Variants in SLC27A6 observed in about 807,000 individuals in gnomAD.
SLC27A6 encodes long-chain fatty acid transport protein 6.
In SLC27A6, 74 loss-of-function variants were observed where a neutral mutation model predicts 63.9. The observed-to-expected ratio is 1.16, with a 90% CI of 0.96 to 1.40. SLC27A6 has a LOEUF of 1.40. SLC27A6 is among the 40% of genes most tolerant of loss of function. The probability of loss-of-function intolerance (pLI) is 0.00; values close to 1 mark genes in which losing one functional copy is unlikely to be tolerated. For missense variants in SLC27A6, 794 were observed against 732.9 expected (o/e 1.08, Z -0.96); for synonymous variants, 287 against 260.8 (o/e 1.10, Z -0.97).
intron 1 of SLC27A6, among the ~76,000 whole-genome samples, chr5:128,982,439 A>G (rs942018926): frequency 4.6e-5 from 7 of 152,192 alleles, no homozygotes; most frequent in African/African-American, 1.7e-4. Flanking sequence ...TAGAATTCCA[A>G]CAAAGATTTG....
chr5:129,032,566 T>C lies in SLC27A6; in HGVS notation c.1684-540T>C, dbSNP rs535989891. On this transcript the variant is annotated intron_variant, in intron 9 of 9. Coordinates refer to ENST00000262462, the MANE Select transcript of SLC27A6 (RefSeq NM_001017372.3). ...ACTAACAGATGTCACTGAGTTTCTCTTGAAAACAAGATATCCTGTGAGGAC... is the reference window on the plus strand; with the variant it reads ...ACTAACAGATGTCACTGAGTTTCTCCTGAAAACAAGATATCCTGTGAGGAC... Among the ~76,000 whole-genome samples the C allele has an allele frequency of 4.6e-5, 7 of 152,216 alleles. 1 individual carries two copies. The highest frequency in any genetic ancestry group is 1.7e-4 in the African/African-American group (7 of 41,566).
At chr5:128,985,045 T>A in intron 1 of SLC27A6, 88 bp from the exon 2 acceptor site, 1 of 810,154 alleles carries the variant, frequency 1.2e-6, no homozygotes, top group Non-Finnish European at 2.0e-6. Flanking sequence ...TTACATTTTA[T>A]CCCTGTTTCA....
At chr5:128,970,028 G>T (rs900281960) in intron 1 of SLC27A6, among the ~76,000 whole-genome samples, 1 of 151,892 alleles carries the variant, frequency 6.6e-6, no homozygotes, top group Non-Finnish European at 1.5e-5. Flanking sequence ...TAATCATGTG[G>T]TTTTTGTCTT....
At chr5:129,028,569 T>A (rs1752320168) in intron 8 of SLC27A6, 127 bp downstream of exon 8, 1 of 585,512 alleles carries the variant, frequency 1.7e-6, no homozygotes, top group Non-Finnish European at 2.9e-6. Context: ...TTTATTATTG[T>A]CTTGGCAAGT....
chr5:128,988,899 A>G, intron 3 of SLC27A6, 141 bp downstream of exon 3: 1 of 609,980 alleles, frequency 1.6e-6, no homozygotes, highest in East Asian at 3.1e-5. Flanking sequence ...ATTTATTTTA[A>G]AAAAACTACA....
chr5:128,988,645 G>A lies in SLC27A6; in HGVS notation c.731G>A (p.Gly244Asp). 6.2e-7 allele frequency: 1 copy of A among 1,614,016 alleles called. No individual in the cohort carries two copies. Among genetic ancestry groups the A allele is most frequent in the Non-Finnish European group, 8.5e-7 (1 of 1,179,960 alleles). ...ATTAGTCAGCTGCAGGTTTTAAGGG[G>A]TTCTGCTGTCCTGTGGGCTTTTGGT... ...AVISQLQVLR[G>D]SAVLWAFGCT... Residue 244 changes from glycine to aspartate, a missense_variant, in exon 3 of 10, where the codon GGT (glycine) becomes GAT (aspartate). Coordinates refer to ENST00000262462, the MANE Select transcript of SLC27A6 (RefSeq NM_001017372.3).
intron 4 of SLC27A6, among the ~76,000 whole-genome samples, chr5:129,004,656 T>C (rs1751459158): frequency 6.6e-6 from 1 of 152,226 alleles, no homozygotes; most frequent in Admixed American, 6.5e-5. Context: ...AATAGAGATT[T>C]ATTCTAAAGA....
chr5:129,015,805 T>C, intron 4 of SLC27A6, 80 bp from the exon 5 acceptor site: 1 of 1,011,670 alleles, frequency 9.9e-7, no homozygotes, highest in Admixed American at 2.5e-5. Context: ...TTTACGTCTA[T>C]GATATTTTTC....
At chr5:129,013,109 TTAAG>T (rs1375072957) in intron 4 of SLC27A6, among the ~76,000 whole-genome samples, 4 of 152,018 alleles carry the variant, frequency 2.6e-5, no homozygotes, top group Non-Finnish European at 4.4e-5. Flanking sequence ...TTTTATTTAT[TTAAG>T]TATTTTTCTT....
chr5:128,985,482 T>TTCCA, intron 2 of SLC27A6, 146 bp downstream of exon 2: 1 of 639,144 alleles, frequency 1.6e-6, no homozygotes, highest in Non-Finnish European at 2.7e-6. Flanking sequence ...GGCTAGAACT[T>TTCCA]TCCAACTTGG....
At chr5:129,017,308 A>G (rs1751933749) in intron 5 of SLC27A6, among the ~76,000 whole-genome samples, 1 of 152,126 alleles carries the variant, frequency 6.6e-6, no homozygotes, top group Non-Finnish European at 1.5e-5. Flanking sequence ...AACCTCCTAT[A>G]TATTTGGAAA....
intron 3 of SLC27A6, 64 bp downstream of exon 3, chr5:128,988,822 T>A: frequency 7.6e-7 from 1 of 1,314,504 alleles, no homozygotes; most frequent in Non-Finnish European, 1.1e-6. Context: ...AAGTATTTAT[T>A]AACATTTGAA....
chr5:129,029,233 C>T (rs915150464), intron 8 of SLC27A6, among the ~76,000 whole-genome samples: 2 of 152,000 alleles, frequency 1.3e-5, no homozygotes, highest in African/African-American at 4.8e-5. Flanking sequence ...ATATGTATTT[C>T]TGCTGGAATA....
At chr5:129,020,435 A>G (rs1384299740) in intron 5 of SLC27A6, among the ~76,000 whole-genome samples, 3 of 152,170 alleles carry the variant, frequency 2.0e-5, no homozygotes, top group Non-Finnish European at 4.4e-5. Flanking sequence ...TGAATTGTTT[A>G]TACATGGAAT....
rs145745231 is a variant in SLC27A6, at chr5:128,966,286, G to A, written c.149G>A (p.Arg50Lys). 7.9e-5 allele frequency: 127 copies of A among 1,613,914 alleles called. No individual in the cohort carries two copies. The highest frequency in any genetic ancestry group is 1.6e-4 in the Middle Eastern group (1 of 6,082). Residue 50 changes from arginine to lysine, a missense_variant, in exon 1 of 10, where the codon AGA (arginine) becomes AAA (lysine). Coordinates refer to ENST00000262462, the MANE Select transcript of SLC27A6 (RefSeq NM_001017372.3). The part of the protein sequence containing the change: ...IIIRLKKYEK[R>K]GELVTVLDKF... ...ATTCGGCTGAAGAAGTATGAAAAGA[G>A]AGGGGAGCTGGTGACTGTGCTGGAT...
In SLC27A6 at chr5:129,028,434, C is replaced by T. The variant is rs760437774; in HGVS notation, c.1544C>T (p.Ala515Val). The T allele has an allele frequency of 2.9e-5, 46 of 1,577,718 alleles. No individual in the cohort carries two copies. Among genetic ancestry groups the T allele is most frequent in the Non-Finnish European group, 3.8e-5 (44 of 1,149,536 alleles). Residue 515 changes from alanine (A) to valine (V), a missense_variant, in exon 8 of 10, where the codon GCT becomes GTT. Transcript: ENST00000262462. ...FIQEANVYGVAISGYEGRAGM... is the reference protein window; with the variant it reads ...FIQEANVYGVVISGYEGRAGM... Reference sequence around the variant, plus strand: ...CAGGAAGCAAACGTCTATGGTGTGGCTATATCAGGTATAAATATATTTCAG... The same window carrying T: ...CAGGAAGCAAACGTCTATGGTGTGGTTATATCAGGTATAAATATATTTCAG...
intron 1 of SLC27A6, among the ~76,000 whole-genome samples, chr5:128,982,294 C>T (rs1410140584): frequency 6.6e-6 from 1 of 152,190 alleles, no homozygotes; most frequent in Non-Finnish European, 1.5e-5. Context: ...CTAAGCATCT[C>T]ACCTAAATAA....
intron 4 of SLC27A6, among the ~76,000 whole-genome samples, chr5:129,013,088 T>A (rs1751777898): frequency 6.6e-6 from 1 of 151,994 alleles, no homozygotes; most frequent in Admixed American, 6.5e-5. Context: ...TTATACATCC[T>A]TTTATATTTG....
intron 1 of SLC27A6, among the ~76,000 whole-genome samples, chr5:128,968,599 T>C (rs28769712): frequency 0.083 from 12,617 of 152,186 alleles, 1,278 homozygotes; most frequent in East Asian, 0.56. Context: ...GCCCACTTTT[T>C]GATGGGGTTG....
Sources: gnomAD v4.1 joint callset for allele counts (sites outside exome capture counted in the v4.1 genomes callset) on GRCh38, gnomAD v4.1.1 for gene constraint, MANE v1.5 for transcripts, NCBI Gene and HGNC (gene_info 2026-07-23, HGNC 2026-07-21) for gene names.